Variants in PRXL2A observed in about 807,000 individuals in gnomAD.
PRXL2A encodes peroxiredoxin like 2A.
A neutral mutation model predicts 25.6 loss-of-function variants in PRXL2A; 26 were observed. That is an observed-to-expected ratio of 1.02 (90% CI 0.74 to 1.41). PRXL2A has a LOEUF of 1.41. Ranked by LOEUF, PRXL2A falls within the 40% of genes most tolerant of loss-of-function variation. The probability of loss-of-function intolerance (pLI) is 0.00; values close to 1 mark genes in which losing one functional copy is unlikely to be tolerated. For missense variants in PRXL2A, 246 were observed against 273.9 expected (o/e 0.90, Z 0.72); for synonymous variants, 98 against 102.9 (o/e 0.95, Z 0.29).
chr10:80,413,967 G>C (rs774781769), intron 1 of PRXL2A: 80 of 765,844 alleles, frequency 1.0e-4, no homozygotes, highest in Non-Finnish European at 1.3e-4. Flanking sequence ...GAAAGAGACA[G>C]GGTCTCGAAG....
chr10:80,408,987 C>G, intron 1 of PRXL2A: 9 of 978,614 alleles, frequency 9.2e-6, no homozygotes, highest in Non-Finnish European at 9.7e-6. Flanking sequence ...CCAACCTTCG[C>G]GAATTGTTGG....
chr10:80,422,318 G>C (rs1844893995), intron 2 of PRXL2A, 99 bp from the exon 3 acceptor site: 9 of 882,092 alleles, frequency 1.0e-5, no homozygotes, highest in African/African-American at 9.9e-5. Context: ...TACTAGGCCG[G>C]GTCTCTGACC....
At chr10:80,421,254 C>T (rs1207972579) in intron 2 of PRXL2A, among the ~76,000 whole-genome samples, 1 of 152,200 alleles carries the variant, frequency 6.6e-6, no homozygotes, top group East Asian at 1.9e-4. Flanking sequence ...ACCTGCCTAT[C>T]TCCCTCTTCT....
chr10:80,417,295 C>G (rs757884311), intron 1 of PRXL2A, among the ~76,000 whole-genome samples: 19 of 152,214 alleles, frequency 1.2e-4, no homozygotes, highest in Non-Finnish European at 2.4e-4. Flanking sequence ...GTTGTTATCT[C>G]TTTAAGAAAA....
At chr10:80,410,959 C>T (rs1241884453) in intron 1 of PRXL2A, among the ~76,000 whole-genome samples, 2 of 152,242 alleles carry the variant, frequency 1.3e-5, no homozygotes, top group Non-Finnish European at 2.9e-5. Flanking sequence ...GCTGGTGCTG[C>T]TTTCAGCATC....
In PRXL2A at chr10:80,436,520, CGT is replaced by C. The variant is rs1845406705; in HGVS notation, c.*4422_*4423del. On this transcript the variant is annotated 3_prime_UTR_variant, in exon 6 of 6. Transcript: ENST00000606162. ...CCAGTGTGGAAGACCAGCACACTCA[CGT>C]CAGGAGACCTTACCTGGAGCCAGGA... is the stretch of plus-strand genomic sequence containing the variant. 1 of 152,158 alleles carries C rather than the reference CGT, an allele frequency of 6.6e-6. No individual in the cohort carries two copies. The highest frequency in any genetic ancestry group is 1.5e-5 in the Non-Finnish European group (1 of 68,042). The allele number at this position is 152,158 out of a possible 1,614,324, so 9.4% of individuals were successfully genotyped here.
intron 1 of PRXL2A, chr10:80,419,894 C>A: frequency 1.2e-6 from 1 of 825,734 alleles, no homozygotes; most frequent in Non-Finnish European, 1.5e-6. Context: ...CTGCTGGGCA[C>A]TGGCTGGGGG....
At chr10:80,429,875 T>A (rs1845189475) in intron 5 of PRXL2A, among the ~76,000 whole-genome samples, 1 of 152,144 alleles carries the variant, frequency 6.6e-6, no homozygotes, top group African/African-American at 2.4e-5. Flanking sequence ...GCCAGCCTTT[T>A]CTTGCCTGGC....
chr10:80,432,469 C>G lies in PRXL2A; in HGVS notation c.*370C>G. 2 of 164,346 alleles carry G rather than the reference C, an allele frequency of 1.2e-5. No individual in the cohort carries two copies. Among genetic ancestry groups the G allele is most frequent in the South Asian group, 1.7e-4 (1 of 6,022 alleles). 10.2% of individuals were successfully genotyped at this position (164,346 alleles called of 1,614,324 possible). A position where few individuals can be genotyped will look rare whatever the true frequency, so the allele number is the denominator to read the frequency against. On this transcript the variant is annotated 3_prime_UTR_variant, in exon 6 of 6. Transcript: ENST00000606162. ...CAGCCTGAGCAACATGGCGAAACCC[C>G]GTCTCTACTAAAAATACAAAAATCA...
intron 1 of PRXL2A, among the ~76,000 whole-genome samples, chr10:80,412,376 T>A (rs1844504876): frequency 1.3e-5 from 2 of 152,134 alleles, no homozygotes; most frequent in Admixed American, 1.3e-4. Context: ...AAATTGGAAT[T>A]GAGTAGTTAT....
chr10:80,415,050 G>A (rs1282622318), intron 1 of PRXL2A, among the ~76,000 whole-genome samples: 4 of 152,212 alleles, frequency 2.6e-5, no homozygotes, highest in Non-Finnish European at 2.9e-5. Flanking sequence ...TAGCCCAGGG[G>A]ACTTGGATAA....
chr10:80,428,447 C>G (rs1845127111), intron 5 of PRXL2A, among the ~76,000 whole-genome samples: 1 of 152,106 alleles, frequency 6.6e-6, no homozygotes, highest in Non-Finnish European at 1.5e-5. Context: ...TCACTTGAGG[C>G]CAGGAGTTCC....
chr10:80,420,665 G>A lies in PRXL2A; in HGVS notation c.178+20G>A, dbSNP rs1844833363. Reference sequence around the variant, plus strand: ...AGAAGGGTAAGTGGTGACCCTTCAGGTCTCAGTACTTTTCCAAGGAGCTGG... The same window carrying A: ...AGAAGGGTAAGTGGTGACCCTTCAGATCTCAGTACTTTTCCAAGGAGCTGG... On this transcript the variant is annotated intron_variant, in intron 2 of 5. Transcript: ENST00000606162. 6.5e-7 allele frequency: 1 copy of A among 1,530,306 alleles called. No individual in the cohort carries two copies. The highest frequency in any genetic ancestry group is 1.4e-5 in the African/African-American group (1 of 72,408). 94.8% of individuals were successfully genotyped at this position (1,530,306 alleles called of 1,614,324 possible). A position where few individuals can be genotyped will look rare whatever the true frequency, so the allele number is the denominator to read the frequency against.
intron 1 of PRXL2A, 144 bp from the exon 2 acceptor site, chr10:80,420,322 G>A (rs1188438635): frequency 2.8e-6 from 4 of 1,416,578 alleles, no homozygotes; most frequent in Non-Finnish European, 3.7e-6. Context: ...AGCAGCCCTT[G>A]TCCAGTCTCG....
At chr10:80,408,030 C>T (rs1460063859), upstream of PRXL2A, 1 of 152,258 alleles carries the variant, frequency 6.6e-6, no homozygotes, top group African/African-American at 2.4e-5. Flanking sequence ...GCTCACCGTT[C>T]TCTGCCCCAT....
At chr10:80,421,055 AAAGG>A (rs1355427991) in intron 2 of PRXL2A, among the ~76,000 whole-genome samples, 11 of 152,300 alleles carry the variant, frequency 7.2e-5, no homozygotes, top group Non-Finnish European at 4.4e-5. Flanking sequence ...CGTCAAACTA[AAAGG>A]AGTTCCTGAG....
chr10:80,417,746 CTTTTTTTTTTTGT>C (rs1844713433), intron 1 of PRXL2A, among the ~76,000 whole-genome samples: 1 of 119,324 alleles, frequency 8.4e-6, no homozygotes, highest in Non-Finnish European at 1.6e-5. Flanking sequence ...TCTTCTTCAT[CTTTTTTTTTTTGT>C]TTTTTTTTTT....
In PRXL2A at chr10:80,436,418, A is replaced by G. The variant is rs1845403989; in HGVS notation, c.*4319A>G. On this transcript the variant is annotated 3_prime_UTR_variant, in exon 6 of 6. Transcript: ENST00000606162. Reference sequence around the variant, plus strand: ...AGACATGAGCCACAGCACCAGGCCAACAATATTTCTTAAAGCTCCTGGAGT... The same window carrying G: ...AGACATGAGCCACAGCACCAGGCCAGCAATATTTCTTAAAGCTCCTGGAGT... 6.6e-6 allele frequency: 1 copy of G among 152,266 alleles called. No homozygotes were observed. Among genetic ancestry groups the G allele is most frequent in the Non-Finnish European group, 1.5e-5 (1 of 68,118 alleles). The allele number at this position is 152,266 out of a possible 1,614,324, so 9.4% of individuals were successfully genotyped here.
intron 1 of PRXL2A, among the ~76,000 whole-genome samples, chr10:80,419,106 C>T (rs569037362): frequency 1.9e-3 from 278 of 149,250 alleles, no homozygotes; most frequent in African/African-American, 6.6e-3. Context: ...CTCCCTCAGC[C>T]TCCCAAATAG....
Sources: gnomAD v4.1 joint callset for allele counts (sites outside exome capture counted in the v4.1 genomes callset) on GRCh38, gnomAD v4.1.1 for gene constraint, MANE v1.5 for transcripts, NCBI Gene and HGNC (gene_info 2026-07-23, HGNC 2026-07-21) for gene names.